Variants in NIM1K observed in about 807,000 individuals in gnomAD.
NIM1K encodes the protein serine/threonine-protein kinase NIM1.
A neutral mutation model predicts 37.1 loss-of-function variants in NIM1K; 35 were observed. The observed-to-expected ratio is 0.94, with a 90% CI of 0.72 to 1.25. The LOEUF (loss-of-function observed/expected upper bound fraction) is 1.25. Among genes scored for constraint, NIM1K ranks in the 50% most tolerant of loss-of-function variants. The pLI is 0.00. For synonymous variants in NIM1K, 234 were observed against 206.6 expected (o/e 1.13, Z -1.14); for missense variants, 564 against 548.0 (o/e 1.03, Z -0.29).
At chr5:43,251,302 C>T (rs1752863430) in intron 2 of NIM1K, among the ~76,000 whole-genome samples, 1 of 152,200 alleles carries the variant, frequency 6.6e-6, no homozygotes, top group South Asian at 2.1e-4. Flanking sequence ...CAGACTTTCT[C>T]TTTGCCTTAA....
At chr5:43,243,724 GGAGT>G (rs1415918761) in intron 1 of NIM1K, among the ~76,000 whole-genome samples, 1 of 152,046 alleles carries the variant, frequency 6.6e-6, no homozygotes, top group Non-Finnish European at 1.5e-5. Flanking sequence ...CACCCAGGCT[GGAGT>G]ACAGTGGCTT....
At chr5:43,213,983 CTTTT>C (rs764323868) in intron 1 of NIM1K, among the ~76,000 whole-genome samples, 1 of 139,104 alleles carries the variant, frequency 7.2e-6, no homozygotes, top group South Asian at 2.3e-4. Flanking sequence ...CTCTTTCTTT[CTTTT>C]TTTTTTTTTG....
intron 2 of NIM1K, among the ~76,000 whole-genome samples, chr5:43,271,340 C>T (rs752630507): frequency 9.2e-5 from 14 of 151,742 alleles, no homozygotes; most frequent in Non-Finnish European, 2.1e-4. Flanking sequence ...GTGCATATAC[C>T]CCCAGAGAAT....
chr5:43,252,788 C>T (rs1752884127), intron 2 of NIM1K, among the ~76,000 whole-genome samples: 1 of 152,028 alleles, frequency 6.6e-6, no homozygotes, highest in Admixed American at 6.6e-5. Context: ...ATACACTTAG[C>T]TTCTGAATAT....
intron 1 of NIM1K, among the ~76,000 whole-genome samples, chr5:43,199,112 C>A: frequency 6.8e-6 from 1 of 146,994 alleles, no homozygotes; most frequent in East Asian, 2.0e-4. Flanking sequence ...AGCTTGAACC[C>A]GGGAGGCAGA....
At chr5:43,206,373 T>G (rs2112210056) in intron 1 of NIM1K, among the ~76,000 whole-genome samples, 1 of 134,410 alleles carries the variant, frequency 7.4e-6, no homozygotes, top group East Asian at 2.0e-4. Context: ...GGTGGTGCGT[T>G]CCTGTAGTCC....
chr5:43,216,252 G>T (rs1188881093), intron 1 of NIM1K, among the ~76,000 whole-genome samples: 1 of 152,066 alleles, frequency 6.6e-6, no homozygotes. Flanking sequence ...GGAAACTGGT[G>T]AGTCTGACTC....
intron 1 of NIM1K, among the ~76,000 whole-genome samples, chr5:43,239,870 G>A (rs1323834238): frequency 6.6e-6 from 1 of 151,896 alleles, no homozygotes; most frequent in Non-Finnish European, 1.5e-5. Flanking sequence ...TTGGAATAAA[G>A]TAGAAATAAA....
intron 2 of NIM1K, among the ~76,000 whole-genome samples, chr5:43,255,780 G>GAAAGAAAGAA (rs1752936205): frequency 4.1e-5 from 2 of 48,820 alleles, no homozygotes; most frequent in South Asian, 7.5e-4. Flanking sequence ...GAAAGAAAGA[G>GAAAGAAAGAA]CAGGAGGGGA....
rs141116497 is a variant in NIM1K at position 43,208,392 on chromosome 5, C to G, written c.-695+15981C>G. ...GGCCGACGCGGGCAGATCACAAGGT[C>G]AGGAGTTCGAGAACAGCCTGACCAA... On this transcript the variant is annotated intron_variant, in intron 1 of 3. Transcript: ENST00000326035. Among the ~76,000 whole-genome samples the G allele has an allele frequency of 2.8e-3, 432 of 152,184 alleles. 1 individual carries two copies. The East Asian group carries it at 0.041, about 14-fold the overall frequency.
At chr5:43,259,823 C>A (rs957378091) in intron 2 of NIM1K, among the ~76,000 whole-genome samples, 3 of 151,914 alleles carry the variant, frequency 2.0e-5, no homozygotes, top group Non-Finnish European at 4.4e-5. Flanking sequence ...GTTTTTGTTG[C>A]ATTTACTTTT....
rs561459448 is a variant in NIM1K at position 43,221,204 on chromosome 5, G to C, written c.-694-23878G>C. On this transcript the variant is annotated intron_variant, in intron 1 of 3. Transcript: ENST00000326035. The stretch of plus-strand genomic sequence containing the variant: ...AAAGAAAAACCTTAGGCTGGGTGCT[G>C]TGGCTCATGCCTGTAATCCCAGCAC... Among the ~76,000 whole-genome samples, 5 of 152,266 alleles carry C rather than the reference G, an allele frequency of 3.3e-5. No individual in the cohort carries two copies. The South Asian group carries it at 8.3e-4, about 25-fold the overall frequency.
At position 43,246,048 on chromosome 5, in the gene NIM1K, G is replaced by T; in HGVS notation, c.273G>T (p.Gly91=). 4 of 1,612,624 alleles carry T rather than the reference G, an allele frequency of 2.5e-6. No homozygotes were observed. The highest frequency in any genetic ancestry group is 3.4e-6 in the Non-Finnish European group (4 of 1,179,080). The stretch of plus-strand genomic sequence containing the variant: ...GAAACTTCTCCCAAGTGAAGCTTGG[G>T]ATTCACTCCCTAACCAAAGGTAGGA... ...GSGNFSQVKL[G]IHSLTKEKVA... is the part of the protein sequence containing the mutation. The change falls in exon 2 of 4, where the codon GGG becomes GGT. Residue 91 remains glycine, a synonymous_variant. Transcript: ENST00000326035.
intron 2 of NIM1K, among the ~76,000 whole-genome samples, chr5:43,260,185 G>C (rs1364784685): frequency 6.6e-6 from 1 of 152,146 alleles, no homozygotes; most frequent in Non-Finnish European, 1.5e-5. Flanking sequence ...GAGATGGTTT[G>C]ACTTTCCCTT....
intron 1 of NIM1K, among the ~76,000 whole-genome samples, chr5:43,198,359 G>T (rs1579951316): frequency 6.5e-5 from 8 of 123,358 alleles, no homozygotes; most frequent in East Asian, 2.3e-4. Context: ...TTTCTGTCTT[G>T]CTCTCTCTCT....
At chr5:43,272,322 C>A (rs1753269798) in intron 2 of NIM1K, among the ~76,000 whole-genome samples, 1 of 152,090 alleles carries the variant, frequency 6.6e-6, no homozygotes, top group Non-Finnish European at 1.5e-5. Context: ...CCCTAACCCC[C>A]AGACCAGGAG....
At chr5:43,248,917 G>A (rs866835038) in intron 2 of NIM1K, among the ~76,000 whole-genome samples, 34 of 151,016 alleles carry the variant, frequency 2.3e-4, no homozygotes, top group Middle Eastern at 6.8e-3. Flanking sequence ...CCTTGTCACC[G>A]AGGCTGGAGT....
intron 2 of NIM1K, among the ~76,000 whole-genome samples, chr5:43,249,204 G>A (rs1271931253): frequency 6.6e-6 from 1 of 151,940 alleles, no homozygotes; most frequent in Non-Finnish European, 1.5e-5. Context: ...CGAGTAGCTG[G>A]GACTACAGGT....
In NIM1K at chr5:43,206,758, A is replaced by G. The variant is rs993662956; in HGVS notation, c.-695+14347A>G. The G allele has an allele frequency of 1.3e-5, 10 of 759,250 alleles. No individual in the cohort carries two copies. The African/African-American group carries it at 1.7e-4, about 13-fold the overall frequency. 47.0% of individuals were successfully genotyped at this position (759,250 alleles called of 1,614,324 possible). A position where few individuals can be genotyped will look rare whatever the true frequency, so the allele number is the denominator to read the frequency against. ...GACTTCATGCTTGGCACCAAAGCTG[A>G]TGGTGAGACCATTCTAAAAGGCCTC... On this transcript the variant is annotated intron_variant, in intron 1 of 3. Coordinates refer to ENST00000326035, the MANE Select transcript of NIM1K (RefSeq NM_153361.4).
Sources: gnomAD v4.1 joint callset for allele counts (sites outside exome capture counted in the v4.1 genomes callset) on GRCh38, gnomAD v4.1.1 for gene constraint, MANE v1.5 for transcripts, NCBI Gene and HGNC (gene_info 2026-07-23, HGNC 2026-07-21) for gene names.